Variants in TSHZ2 observed in about 807,000 individuals in gnomAD.
The protein encoded by TSHZ2 is teashirt zinc finger homeobox 2, also known as teashirt homolog 2.
A neutral mutation model predicts 74.4 loss-of-function variants in TSHZ2; 21 were observed. The observed-to-expected ratio is 0.28, with a 90% CI of 0.20 to 0.41. TSHZ2 has a LOEUF of 0.41. Among genes scored for constraint, TSHZ2 ranks in the 10% least tolerant of loss-of-function variants. TSHZ2 has a pLI of 1.00. For missense variants in TSHZ2, 1,244 were observed against 1,293.5 expected (o/e 0.96, Z 0.59); for synonymous variants, 540 against 515.3 (o/e 1.05, Z -0.65).
intron 1 of TSHZ2, among the ~76,000 whole-genome samples, chr20:53,223,898 AACACACACACACAC>A (rs71675648): frequency 1.4e-4 from 21 of 145,398 alleles, no homozygotes; most frequent in Admixed American, 8.9e-4. Context: ...TACAGGACTA[AACACACACACACAC>A]ACACACACAC....
chr20:53,046,875 G>C (rs1047762882), intron 1 of TSHZ2, among the ~76,000 whole-genome samples: 3 of 152,180 alleles, frequency 2.0e-5, no homozygotes, highest in African/African-American at 7.2e-5. Context: ...AAAAGGTCTG[G>C]CTCATGAGCC....
chr20:53,285,690 C>T lies in TSHZ2; in HGVS notation c.*8+29119C>T, dbSNP rs996779351. Among the ~76,000 whole-genome samples the T allele has an allele frequency of 6.0e-5, 9 of 150,202 alleles. No homozygotes were observed. In the South Asian group the frequency reaches 6.3e-4, roughly 11 times the overall value. On this transcript the variant is annotated intron_variant, in intron 2 of 2. Coordinates refer to ENST00000371497, the MANE Select transcript of TSHZ2 (RefSeq NM_173485.6). ...GTGCCACTGCATTTCAGCCTGGGGCCGCAGAGCAAGACTCCGTCTCCATCT... is the reference window on the plus strand; with the variant it reads ...GTGCCACTGCATTTCAGCCTGGGGCTGCAGAGCAAGACTCCGTCTCCATCT...
chr20:53,023,166 T>C (rs992243484), intron 1 of TSHZ2, among the ~76,000 whole-genome samples: 14 of 152,232 alleles, frequency 9.2e-5, no homozygotes, highest in African/African-American at 3.4e-4. Flanking sequence ...GTCTTGCTGG[T>C]TGAAGCATTG....
chr20:53,352,237 T>A (rs2145588050), intron 2 of TSHZ2, among the ~76,000 whole-genome samples: 1 of 138,870 alleles, frequency 7.2e-6, no homozygotes, highest in African/African-American at 2.7e-5. Flanking sequence ...AAGCTCTTTT[T>A]TTTTTTTTTT....
intron 1 of TSHZ2, among the ~76,000 whole-genome samples, chr20:53,014,503 G>A (rs1982966274): frequency 6.6e-6 from 1 of 152,092 alleles, no homozygotes; most frequent in African/African-American, 2.4e-5. Context: ...CTGGAATTTG[G>A]GGACCAGGTG....
intron 2 of TSHZ2, among the ~76,000 whole-genome samples, chr20:53,450,554 T>C (rs181639354): frequency 1.3e-3 from 203 of 152,328 alleles, no homozygotes; most frequent in South Asian, 8.3e-4. Context: ...CCTTGCTCTG[T>C]CACCCAAGCT....
At chr20:53,235,966 C>A (rs189454914) in intron 1 of TSHZ2, among the ~76,000 whole-genome samples, 1 of 152,278 alleles carries the variant, frequency 6.6e-6, no homozygotes, top group East Asian at 1.9e-4. Context: ...CACATTGATG[C>A]ACATGTAATT....
chr20:53,272,305 C>T lies in TSHZ2; in HGVS notation c.*8+15734C>T, dbSNP rs117919424. 6.7e-4 allele frequency among the ~76,000 whole-genome samples: 102 copies of T among 152,178 alleles called. 3 individuals carry two copies. The East Asian group carries it at 0.014, about 22-fold the overall frequency. On this transcript the variant is annotated intron_variant, in intron 2 of 2. Transcript: ENST00000371497. ...GATTACAGGCATGAACCACCGTGCC[C>T]GGCCGAGAAGTGGACTTTTAACTGA...
chr20:53,039,727 CAG>C (rs1983965908), intron 1 of TSHZ2, among the ~76,000 whole-genome samples: 2 of 151,904 alleles, frequency 1.3e-5, no homozygotes, highest in Non-Finnish European at 2.9e-5. Flanking sequence ...TTGCAGTGAG[CAG>C]AGATTGTGCC....
At chr20:53,337,453 T>A (rs1979997454) in intron 2 of TSHZ2, among the ~76,000 whole-genome samples, 1 of 152,184 alleles carries the variant, frequency 6.6e-6, no homozygotes, top group South Asian at 2.1e-4. Flanking sequence ...TCTCTGTATG[T>A]TTCATTGGAC....
At chr20:53,083,631 T>C (rs1258918617) in intron 1 of TSHZ2, among the ~76,000 whole-genome samples, 1 of 152,248 alleles carries the variant, frequency 6.6e-6, no homozygotes, top group South Asian at 2.1e-4. Context: ...AGTCTGTCAT[T>C]GTTACCAGCT....
intron 1 of TSHZ2, among the ~76,000 whole-genome samples, chr20:53,211,430 G>A (rs566813643): frequency 6.9e-4 from 105 of 152,048 alleles, no homozygotes; most frequent in Admixed American, 9.2e-4. Flanking sequence ...GAATCAGAGG[G>A]ATAAAAGGAA....
Position 53,246,863 on chromosome 20 carries a change from G to A in TSHZ2, c.41-6636G>A, listed in dbSNP as rs117178359. Among the ~76,000 whole-genome samples, 43 of 152,292 alleles carry A rather than the reference G, an allele frequency of 2.8e-4. 1 individual carries two copies. In the East Asian group the frequency reaches 4.1e-3, roughly 14 times the overall value. ...ATGGCCCAGGAAAGAAGCAACAAGC[G>A]TACATTAAGTGTTTAGACGGACCCC... On this transcript the variant is annotated intron_variant, in intron 1 of 2. Coordinates refer to ENST00000371497, the MANE Select transcript of TSHZ2 (RefSeq NM_173485.6).
At chr20:53,253,083 G>A (rs529472718) in intron 1 of TSHZ2, among the ~76,000 whole-genome samples, 1 of 151,906 alleles carries the variant, frequency 6.6e-6, no homozygotes, top group Non-Finnish European at 1.5e-5. Context: ...CCATCTAGAT[G>A]CCAAGAGTCA....
chr20:53,002,997 G>A (rs1489407358), intron 1 of TSHZ2, among the ~76,000 whole-genome samples: 2 of 152,140 alleles, frequency 1.3e-5, no homozygotes, highest in Non-Finnish European at 2.9e-5. Context: ...ACTTCATAAT[G>A]TAATGGACAG....
intron 1 of TSHZ2, among the ~76,000 whole-genome samples, chr20:53,121,059 C>A (rs901489351): frequency 2.6e-5 from 4 of 151,954 alleles, no homozygotes; most frequent in African/African-American, 9.7e-5. Flanking sequence ...CAGTGATAGA[C>A]TTTTTTTCCC....
At chr20:53,342,445 C>T (rs930968241) in intron 2 of TSHZ2, among the ~76,000 whole-genome samples, 1 of 151,994 alleles carries the variant, frequency 6.6e-6, no homozygotes, top group Non-Finnish European at 1.5e-5. Context: ...CTGACGCTTA[C>T]GTCCGGTATA....
intron 2 of TSHZ2, among the ~76,000 whole-genome samples, chr20:53,341,433 C>G (rs1282781473): frequency 1.3e-5 from 2 of 152,076 alleles, no homozygotes; most frequent in African/African-American, 2.4e-5. Flanking sequence ...GAAGGAGGAA[C>G]AGGTTGGCCA....
chr20:53,225,169 A>T (rs1989656688), intron 1 of TSHZ2, among the ~76,000 whole-genome samples: 1 of 152,226 alleles, frequency 6.6e-6, no homozygotes, highest in Non-Finnish European at 1.5e-5. Flanking sequence ...ATAGGTGGCC[A>T]ATCCCAGGCT....
Sources: gnomAD v4.1 joint callset for allele counts (sites outside exome capture counted in the v4.1 genomes callset) on GRCh38, gnomAD v4.1.1 for gene constraint, MANE v1.5 for transcripts, NCBI Gene and HGNC (gene_info 2026-07-23, HGNC 2026-07-21) for gene names.